Variants in ABCA5 observed in about 807,000 individuals in gnomAD.
ABCA5 encodes the protein cholesterol transporter ABCA5.
A neutral mutation model predicts 206.0 loss-of-function variants in ABCA5; 163 were observed. That is an observed-to-expected ratio of 0.79 (90% CI 0.70 to 0.90). ABCA5 has a LOEUF of 0.90. Ranked by LOEUF, ABCA5 falls within the 40% of genes least tolerant of loss-of-function variation. The pLI is 0.00. For synonymous variants in ABCA5, 609 were observed against 613.8 expected, an observed-to-expected ratio of 0.99 and a Z score of 0.11; for missense variants, 1,859 against 1,912.9, an observed-to-expected ratio of 0.97 and a Z score of 0.53.
intron 1 of ABCA5, among the ~76,000 whole-genome samples, chr17:69,323,039 C>T (rs1374815978): frequency 6.6e-6 from 1 of 152,116 alleles, no homozygotes; most frequent in African/African-American, 2.4e-5. Flanking sequence ...GCAGATGTAA[C>T]AGAAAATGGA....
chr17:69,256,176 C>G lies in ABCA5; in HGVS notation c.3839G>C (p.Gly1280Ala). 2 of 1,605,654 alleles carry G rather than the reference C, an allele frequency of 1.2e-6. No individual in the cohort carries two copies. The highest frequency in any genetic ancestry group is 1.7e-6 in the Non-Finnish European group (2 of 1,176,216). The change falls in exon 29 of 39, where the codon GGT becomes GCT. Residue 1280 changes from glycine (G) to alanine (A), a missense_variant. By Grantham distance (60) the Gly-to-Ala change is moderately conservative (BLOSUM62 0). Coordinates refer to ENST00000392676, the MANE Select transcript of ABCA5 (RefSeq NM_172232.4). ...AERLKVKELM[G>A]CQCCEEKPSI... Reference sequence around the variant, plus strand: ...AATTACCTCCTCACAACACTGGCAACCCATCAGCTCTTTGACCTTTAGTCT... The same window carrying G: ...AATTACCTCCTCACAACACTGGCAAGCCATCAGCTCTTTGACCTTTAGTCT...
intron 28 of ABCA5, among the ~76,000 whole-genome samples, chr17:69,257,659 G>A (rs1350722770): frequency 6.6e-6 from 1 of 151,582 alleles, no homozygotes; most frequent in Non-Finnish European, 1.5e-5. Flanking sequence ...ATATATGAAA[G>A]AAAGGTGACC....
At chr17:69,258,694 TA>T (rs948437450) in intron 28 of ABCA5, among the ~76,000 whole-genome samples, 10 of 152,098 alleles carry the variant, frequency 6.6e-5, no homozygotes, top group Admixed American at 2.6e-4. Flanking sequence ...AAATCTAAAA[TA>T]TTTTTTTTAA....
At chr17:69,279,686 T>C (rs947071082) in intron 18 of ABCA5, among the ~76,000 whole-genome samples, 12 of 151,898 alleles carry the variant, frequency 7.9e-5, no homozygotes, top group Non-Finnish European at 1.5e-5. Flanking sequence ...AAAACAGAGA[T>C]ATAGATCAAT....
intron 29 of ABCA5, 53 bp downstream of exon 29, chr17:69,256,104 C>G (rs116635853): frequency 6.7e-7 from 1 of 1,496,208 alleles, no homozygotes; most frequent in African/African-American, 1.4e-5. Context: ...TTCTATATAC[C>G]GGGAATTGAT....
At chr17:69,319,127 T>A (rs998414887) in intron 1 of ABCA5, among the ~76,000 whole-genome samples, 1 of 152,218 alleles carries the variant, frequency 6.6e-6, no homozygotes, top group Non-Finnish European at 1.5e-5. Context: ...CTATGTTATA[T>A]CACATTTAGC....
rs1028534923 is a variant in ABCA5, at chr17:69,277,730, G to A, written c.2505C>T (p.Ser835=). 4 of 1,609,570 alleles carry A rather than the reference G, an allele frequency of 2.5e-6. No homozygotes were observed. Among genetic ancestry groups the A allele is most frequent in the Non-Finnish European group, 3.4e-6 (4 of 1,178,708 alleles). ...ILSETKAALV[S]TMSLWKQQMY... is the part of the protein sequence containing the mutation. ...TCTGTTGTTTCCAAAGGCTCATGGT[G>A]CTCACTAGAGCAGCCTTGGTTTCAG... is the stretch of plus-strand genomic sequence containing the variant. The change falls in exon 19 of 39, where the codon AGC becomes AGT. Residue 835 remains serine (S), a synonymous_variant. Transcript: ENST00000392676.
rs970875184 is a variant in ABCA5, at chr17:69,296,216, G to A, written c.1436+975C>T. ...CTTATTTTTTTCATATTTTTTTAAG[G>A]AAATGATTTGTTAATCAGTTAAAAT... On this transcript the variant is annotated intron_variant, in intron 10 of 38. Transcript: ENST00000392676. 2.6e-5 allele frequency among the ~76,000 whole-genome samples: 4 copies of A among 151,878 alleles called. No individual in the cohort carries two copies. In the East Asian group the frequency reaches 5.8e-4, roughly 22 times the overall value.
intron 22 of ABCA5, among the ~76,000 whole-genome samples, chr17:69,270,116 A>G (rs1324324273): frequency 6.6e-6 from 1 of 152,122 alleles, no homozygotes; most frequent in Non-Finnish European, 1.5e-5. Context: ...AAAGTATGAA[A>G]AGAAGAAGAT....
At chr17:69,257,941 T>C (rs571725806) in intron 28 of ABCA5, among the ~76,000 whole-genome samples, 2 of 152,186 alleles carry the variant, frequency 1.3e-5, no homozygotes, top group South Asian at 2.1e-4. Context: ...TTGTAGAAAT[T>C]TATAACTTAT....
chr17:69,308,610 TAAAG>T (rs1481438453), intron 4 of ABCA5, among the ~76,000 whole-genome samples: 4 of 152,162 alleles, frequency 2.6e-5, no homozygotes, highest in Non-Finnish European at 4.4e-5. Flanking sequence ...AATAAAAATG[TAAAG>T]AAAGAAATTA....
rs1192992678 is a variant in ABCA5 at position 69,301,159 on chromosome 17, T to C, written c.1247A>G (p.Tyr416Cys). The change falls in exon 9 of 39, where the codon TAT becomes TGT. Residue 416 changes from tyrosine to cysteine, a missense_variant. Coordinates refer to ENST00000392676, the MANE Select transcript of ABCA5 (RefSeq NM_172232.4). ...CATACCTGGAATGACTTGATCAAGA[T>C]AGACAGCCAAGAGGACATAGAATAT... The part of the protein sequence containing the change: ...NSIFYVLLAV[Y>C]LDQVIPGEFG... The C allele has an allele frequency of 9.6e-6, 15 of 1,562,328 alleles. No individual in the cohort carries two copies. Among genetic ancestry groups the C allele is most frequent in the African/African-American group, 1.4e-5 (1 of 71,582 alleles).
At chr17:69,261,602 T>A in intron 25 of ABCA5, 33 bp downstream of exon 25, 1 of 981,260 alleles carries the variant, frequency 1.0e-6, no homozygotes, top group Non-Finnish European at 1.5e-6. Flanking sequence ...TAAACTGCTA[T>A]GGAAAGTTGA....
At chr17:69,297,479 T>C in intron 9 of ABCA5, 120 bp from the exon 10 acceptor site, 2 of 814,742 alleles carry the variant, frequency 2.5e-6, no homozygotes, top group Non-Finnish European at 3.8e-6. Context: ...AACATATATA[T>C]ATTTCCAAAC....
chr17:69,325,835 A>G (rs2075893561), intron 1 of ABCA5: 1 of 152,366 alleles, frequency 6.6e-6, no homozygotes, highest in African/African-American at 2.4e-5. Context: ...AATAAAAGAC[A>G]TGCAATACAC....
At chr17:69,280,081 T>C (rs1257178016) in intron 18 of ABCA5, among the ~76,000 whole-genome samples, 1 of 152,026 alleles carries the variant, frequency 6.6e-6, no homozygotes, top group Non-Finnish European at 1.5e-5. Flanking sequence ...GAAACTACCA[T>C]CAGAGTGAAC....
At chr17:69,275,687 T>C (rs2075323703) in intron 19 of ABCA5, among the ~76,000 whole-genome samples, 1 of 152,224 alleles carries the variant, frequency 6.6e-6, no homozygotes, top group South Asian at 2.1e-4. Flanking sequence ...CTAAATGTAT[T>C]TGACCATGGA....
Position 69,270,558 on chromosome 17 carries a change from G to A in ABCA5, c.3030+55C>T, listed in dbSNP as rs1193240449. On this transcript the variant is annotated intron_variant, in intron 22 of 38. Transcript: ENST00000392676. ...TGTTATTTTTGCTTAGTTTTTAATG[G>A]TTATTATATATATGACATGCATATG... The A allele has an allele frequency of 6.9e-6, 10 of 1,448,676 alleles. No homozygotes were observed. In the African/African-American group the frequency reaches 1.3e-4, roughly 19 times the overall value. 89.7% of individuals were successfully genotyped at this position (1,448,676 alleles called of 1,614,324 possible). A position where few individuals can be genotyped will look rare whatever the true frequency, so the allele number is the denominator to read the frequency against.
intron 6 of ABCA5, among the ~76,000 whole-genome samples, 177 bp downstream of exon 6, chr17:69,306,548 C>A (rs2075718824): frequency 2.0e-5 from 3 of 151,976 alleles, no homozygotes; most frequent in African/African-American, 4.8e-5. Flanking sequence ...TTAAATGAAG[C>A]CAATTAGTTG....
Sources: allele counts gnomAD v4.1 joint callset (sites outside exome capture counted in the v4.1 genomes callset), GRCh38; gene constraint gnomAD v4.1.1; transcripts MANE v1.5; gene names NCBI Gene and HGNC (gene_info 2026-07-23, HGNC 2026-07-21).